Variants in SIK3 observed in about 807,000 individuals in gnomAD.
SIK3 encodes SIK family kinase 3, also known as serine/threonine-protein kinase SIK3.
In SIK3, 28 loss-of-function variants were observed where a neutral mutation model predicts 144.2. That is an observed-to-expected ratio of 0.19 (90% CI 0.14 to 0.27). SIK3 has a LOEUF of 0.27. SIK3 is among the 10% of genes least tolerant of loss of function. SIK3 has a pLI of 1.00. For missense variants in SIK3, 1,319 were observed against 1,776.0 expected, an observed-to-expected ratio of 0.74 and a Z score of 4.62; for synonymous variants, 686 against 676.3, an observed-to-expected ratio of 1.01 and a Z score of -0.22.
chr11:116,872,049 T>C lies in SIK3; in HGVS notation c.1737+1432A>G, dbSNP rs572489134. ...GAGAGTACATCAAAGGACATGGGAA[T>C]AGGGCCTAGGATAAAACTCTGGGTT... On this transcript the variant is annotated intron_variant, in intron 13 of 24. Transcript: ENST00000445177. 3.2e-4 allele frequency among the ~76,000 whole-genome samples: 48 copies of C among 152,032 alleles called. 1 individual carries two copies. Among genetic ancestry groups the C allele is most frequent in the African/African-American group, 1.2e-3 (48 of 41,458 alleles).
intron 1 of SIK3, among the ~76,000 whole-genome samples, chr11:116,995,808 T>G (rs1053449852): frequency 9.2e-5 from 14 of 152,122 alleles, no homozygotes; most frequent in African/African-American, 3.4e-4. Context: ...CAAAGTGCTG[T>G]GTACACTTTG....
intron 1 of SIK3, among the ~76,000 whole-genome samples, chr11:117,035,577 A>G (rs1952457775): frequency 6.6e-6 from 1 of 152,150 alleles, no homozygotes; most frequent in Admixed American, 6.5e-5. Flanking sequence ...AACTACCTAC[A>G]TTATAGGGCT....
At chr11:116,991,094 A>C (rs984538241) in intron 1 of SIK3, among the ~76,000 whole-genome samples, 1 of 152,214 alleles carries the variant, frequency 6.6e-6, no homozygotes, top group African/African-American at 2.4e-5. Flanking sequence ...GGTCAGAGAG[A>C]GAGCTGGTTA....
intron 1 of SIK3, among the ~76,000 whole-genome samples, chr11:116,979,289 A>G (rs1565521437): frequency 6.6e-6 from 1 of 151,996 alleles, no homozygotes; most frequent in Non-Finnish European, 1.5e-5. Context: ...TTCATGAACC[A>G]TTTGTTTCTA....
intron 1 of SIK3, among the ~76,000 whole-genome samples, chr11:116,973,637 T>C (rs1471433080): frequency 6.6e-6 from 1 of 152,156 alleles, no homozygotes; most frequent in Non-Finnish European, 1.5e-5. Context: ...TGGAAAAACT[T>C]GACAAACACT....
At chr11:116,965,102 G>C (rs1418043118) in intron 1 of SIK3, among the ~76,000 whole-genome samples, 1 of 152,140 alleles carries the variant, frequency 6.6e-6, no homozygotes, top group African/African-American at 2.4e-5. Context: ...AATGGTATCT[G>C]AAGCAAAGGA....
At chr11:117,083,934 T>C (rs923286781) in intron 1 of SIK3, among the ~76,000 whole-genome samples, 69 of 152,216 alleles carry the variant, frequency 4.5e-4, no homozygotes, top group African/African-American at 1.6e-3. Context: ...TTAATACCAC[T>C]GACTCATTAC....
intron 3 of SIK3, among the ~76,000 whole-genome samples, chr11:116,935,470 G>A (rs924286019): frequency 1.3e-5 from 2 of 151,980 alleles, no homozygotes; most frequent in South Asian, 2.1e-4. Context: ...TTCATATCAA[G>A]TCCATTCACA....
At chr11:116,898,221 G>A (rs1443798483) in intron 4 of SIK3, among the ~76,000 whole-genome samples, 1 of 151,348 alleles carries the variant, frequency 6.6e-6, no homozygotes, top group Non-Finnish European at 1.5e-5. Flanking sequence ...GAGAACATGC[G>A]ATGTTTGGTT....
intron 1 of SIK3, among the ~76,000 whole-genome samples, chr11:117,050,146 G>A (rs1440395664): frequency 4.0e-5 from 6 of 151,758 alleles, no homozygotes; most frequent in Admixed American, 6.6e-5. Flanking sequence ...AAAATAAGCC[G>A]GGCATGGTAG....
At chr11:116,954,682 G>C (rs1949074995) in intron 2 of SIK3, among the ~76,000 whole-genome samples, 1 of 151,794 alleles carries the variant, frequency 6.6e-6, no homozygotes, top group African/African-American at 2.4e-5. Flanking sequence ...GTTTTGTCTT[G>C]GTCCCTTTGT....
At position 116,979,085 on chromosome 11, in the gene SIK3, A is replaced by G. The variant is rs548018077; in HGVS notation, c.274-22021T>C. ...TACCTAGGCATCACTAGGTAAAGCC[A>G]AATTGTTTTCAAAAATGAAGGTACC... On this transcript the variant is annotated intron_variant, in intron 1 of 24. Transcript: ENST00000445177. Among the ~76,000 whole-genome samples, 125 of 152,338 alleles carry G rather than the reference A, an allele frequency of 8.2e-4. 1 individual carries two copies. The highest frequency in any genetic ancestry group is 3.0e-3 in the African/African-American group (123 of 41,582).
At chr11:116,862,080 T>G (rs1303811476) in intron 17 of SIK3, 122 bp downstream of exon 17, 2 of 1,436,906 alleles carry the variant, frequency 1.4e-6, no homozygotes, top group African/African-American at 2.8e-5. Flanking sequence ...TACTCAAACA[T>G]GTCAACCATA....
chr11:117,028,266 G>A (rs1159463839), intron 1 of SIK3, among the ~76,000 whole-genome samples: 1 of 151,868 alleles, frequency 6.6e-6, no homozygotes, highest in African/African-American at 2.4e-5. Context: ...TCATTTTTCA[G>A]CATGAAACCC....
intron 1 of SIK3, among the ~76,000 whole-genome samples, chr11:117,003,802 T>A (rs1950944681): frequency 6.6e-6 from 1 of 152,082 alleles, no homozygotes; most frequent in African/African-American, 2.4e-5. Context: ...AAAGAAACAA[T>A]TCAAGCTGAG....
At chr11:117,080,562 T>C (rs1268904217) in intron 1 of SIK3, among the ~76,000 whole-genome samples, 1 of 151,878 alleles carries the variant, frequency 6.6e-6, no homozygotes, top group Admixed American at 6.6e-5. Flanking sequence ...AATACTGCAA[T>C]AGCAAATAAA....
intron 1 of SIK3, among the ~76,000 whole-genome samples, chr11:117,074,249 A>G (rs577514628): frequency 1.4e-4 from 22 of 152,240 alleles, no homozygotes; most frequent in Non-Finnish European, 2.4e-4. Flanking sequence ...CCTAGCAAAC[A>G]GGATCCCAAT....
In SIK3 at chr11:116,855,083, C is replaced by CAAAAAAAAAAAAAAA. The variant is rs528405922; in HGVS notation, c.3655+2712_3655+2726dup. Among the ~76,000 whole-genome samples, 36 of 82,082 alleles carry CAAAAAAAAAAAAAAA rather than the reference C, an allele frequency of 4.4e-4. 2 individuals carry two copies. The highest frequency in any genetic ancestry group is 1.6e-3 in the African/African-American group (22 of 13,892). The allele number at this position is 82,082 out of a possible 152,430, so 53.8% of individuals were successfully genotyped here. A position where few individuals can be genotyped will look rare whatever the true frequency, so the allele number is the denominator to read the frequency against. ...CATGGGTGACAGTGTGAGACTCTGC[C>CAAAAAAAAAAAAAAA]AAAAAAAAAAAAAAAAAAAAAAAAA... On this transcript the variant is annotated intron_variant, in intron 21 of 24. Coordinates refer to ENST00000445177, the MANE Select transcript of SIK3 (RefSeq NM_001366686.3).
intron 1 of SIK3, among the ~76,000 whole-genome samples, chr11:116,987,764 G>C (rs1176494906): frequency 6.6e-6 from 1 of 152,094 alleles, no homozygotes; most frequent in East Asian, 1.9e-4. Context: ...ACCAGAATAA[G>C]AAACTATACT....
Sources: gnomAD v4.1 joint callset for allele counts (sites outside exome capture counted in the v4.1 genomes callset) on GRCh38, gnomAD v4.1.1 for gene constraint, MANE v1.5 for transcripts, NCBI Gene and HGNC (gene_info 2026-07-23, HGNC 2026-07-21) for gene names.